MTMR7: variants seen among roughly 807,000 people sequenced by gnomAD.
The protein encoded by MTMR7 is phosphatidylinositol-3-phosphate phosphatase MTMR7.
Under a neutral mutation model 81.2 loss-of-function variants are expected in MTMR7, and 76 were observed. That is an observed-to-expected ratio of 0.94 (90% CI 0.78 to 1.13). The LOEUF is 1.13. Among genes scored for constraint, MTMR7 ranks in the 50% most tolerant of loss-of-function variants. The pLI is 0.00. For missense variants in MTMR7, 1,044 were observed against 820.0 expected, an observed-to-expected ratio of 1.27 and a Z score of -3.34; for synonymous variants, 372 against 289.8, an observed-to-expected ratio of 1.28 and a Z score of -2.88.
At chr8:17,309,200 C>T in intron 10 of MTMR7, 77 bp downstream of exon 10, 2 of 992,812 alleles carry the variant, frequency 2.0e-6, no homozygotes, top group South Asian at 1.4e-5. Context: ...GACGATTTTC[C>T]CCTAAATATT....
At chr8:17,393,674 A>T (rs1821167458) in intron 1 of MTMR7, among the ~76,000 whole-genome samples, 1 of 151,098 alleles carries the variant, frequency 6.6e-6, no homozygotes, top group Non-Finnish European at 1.5e-5. Context: ...CATCATGGGG[A>T]ACAACACACA....
intron 11 of MTMR7, 49 bp downstream of exon 11, chr8:17,305,703 AGTCAT>A (rs1817403817): frequency 6.8e-7 from 1 of 1,474,550 alleles, no homozygotes; most frequent in Non-Finnish European, 9.3e-7. Context: ...TAAAATTCTC[AGTCAT>A]CAAAATCTTT....
chr8:17,371,325 T>C (rs891762427), intron 2 of MTMR7, 126 bp from the exon 3 acceptor site: 35 of 1,039,664 alleles, frequency 3.4e-5, no homozygotes, highest in Admixed American at 5.2e-5. Context: ...AGCTCAACCC[T>C]TGCGTTCAGA....
At chr8:17,394,154 C>A (rs1303235104) in intron 1 of MTMR7, among the ~76,000 whole-genome samples, 1 of 152,286 alleles carries the variant, frequency 6.6e-6, no homozygotes, top group African/African-American at 2.4e-5. Flanking sequence ...ACAGATTAAG[C>A]ATGCATTAAC....
At chr8:17,375,656 G>A (rs980759665) in intron 1 of MTMR7, among the ~76,000 whole-genome samples, 1 of 152,112 alleles carries the variant, frequency 6.6e-6, no homozygotes, top group South Asian at 2.1e-4. Context: ...AGTAAGGCTA[G>A]TAGCCCAAGG....
intron 4 of MTMR7, 52 bp from the exon 5 acceptor site, chr8:17,349,133 G>T: frequency 6.3e-7 from 1 of 1,583,374 alleles, no homozygotes; most frequent in Non-Finnish European, 8.6e-7. Context: ...AATGCCCTGC[G>T]AACTGCCCCC....
chr8:17,357,993 T>C (rs113084745), intron 4 of MTMR7, among the ~76,000 whole-genome samples: 3 of 152,256 alleles, frequency 2.0e-5, no homozygotes, highest in African/African-American at 7.2e-5. Flanking sequence ...CAATAGGGTA[T>C]ATACTTCTGA....
At chr8:17,400,594 G>A (rs760892332) in intron 1 of MTMR7, among the ~76,000 whole-genome samples, 5 of 152,028 alleles carry the variant, frequency 3.3e-5, no homozygotes, top group Non-Finnish European at 7.4e-5. Flanking sequence ...TTTTCTTGTC[G>A]TTGCAATTTG....
At chr8:17,330,501 G>T (rs900236087) in intron 7 of MTMR7, among the ~76,000 whole-genome samples, 1 of 152,264 alleles carries the variant, frequency 6.6e-6, no homozygotes, top group Non-Finnish European at 1.5e-5. Flanking sequence ...AGCTGGTTTT[G>T]CTTGAAATGC....
chr8:17,365,197 T>A (rs1820188761), intron 3 of MTMR7, among the ~76,000 whole-genome samples: 1 of 152,366 alleles, frequency 6.6e-6, no homozygotes. Flanking sequence ...ATGTATCTGT[T>A]AGCCATCTAT....
In MTMR7 at chr8:17,299,713, A is replaced by C; in HGVS notation, c.*149T>G. On this transcript the variant is annotated 3_prime_UTR_variant, in exon 14 of 14. Transcript: ENST00000180173. The stretch of plus-strand genomic sequence containing the variant: ...CTCTTCAGTATCTAAGAAATCAAGA[A>C]CTGGGCACTTTTTTCCCTTTTCATA... The C allele has an allele frequency of 3.8e-6, 4 of 1,050,700 alleles. No individual in the cohort carries two copies. Among genetic ancestry groups the C allele is most frequent in the Non-Finnish European group, 4.1e-6 (3 of 730,952 alleles). 65.1% of individuals were successfully genotyped at this position (1,050,700 alleles called of 1,614,324 possible). A position where few individuals can be genotyped will look rare whatever the true frequency, so the allele number is the denominator to read the frequency against.
intron 1 of MTMR7, among the ~76,000 whole-genome samples, chr8:17,398,538 G>C (rs1240188658): frequency 2.6e-5 from 4 of 152,118 alleles, no homozygotes; most frequent in Non-Finnish European, 5.9e-5. Context: ...AAAAAACAAT[G>C]AGGCATGCCT....
chr8:17,391,891 G>A (rs1400789731), intron 1 of MTMR7, among the ~76,000 whole-genome samples: 1 of 152,184 alleles, frequency 6.6e-6, no homozygotes. Context: ...GGTTGTGGGA[G>A]GAAGGGTTGG....
chr8:17,307,691 G>C (rs1586147645), intron 10 of MTMR7, among the ~76,000 whole-genome samples: 1 of 152,160 alleles, frequency 6.6e-6, no homozygotes. Flanking sequence ...ATACACCATG[G>C]AATATTATGC....
At position 17,346,496 on chromosome 8, in the gene MTMR7, A is replaced by C. The variant is rs56339445; in HGVS notation, c.597+2457T>G. 2.9e-3 allele frequency among the ~76,000 whole-genome samples: 447 copies of C among 152,188 alleles called. 3 individuals are homozygous for C. The highest frequency in any genetic ancestry group is 4.6e-3 in the Non-Finnish European group (312 of 68,008). ...AGGCCTGGAGGTTCAGTAAAATAGC[A>C]CTTGGGGGAGCAGGCGTGGAGCCAT... On this transcript the variant is annotated intron_variant, in intron 5 of 13. Coordinates refer to ENST00000180173, the MANE Select transcript of MTMR7 (RefSeq NM_004686.5).
intron 3 of MTMR7, among the ~76,000 whole-genome samples, chr8:17,369,641 C>CTTT (rs71212689): frequency 4.6e-4 from 49 of 106,230 alleles, no homozygotes; most frequent in Non-Finnish European, 6.0e-4. Flanking sequence ...TTCTTTTTTT[C>CTTT]TTTTTTTTTT....
chr8:17,396,315 G>T (rs541059457), intron 1 of MTMR7, among the ~76,000 whole-genome samples: 2 of 152,156 alleles, frequency 1.3e-5, no homozygotes, highest in African/African-American at 4.8e-5. Flanking sequence ...TGCTGAAAGA[G>T]GCACTGACAA....
rs998799936 is a variant in MTMR7 at position 17,347,012 on chromosome 8, T to C, written c.597+1941A>G. On this transcript the variant is annotated intron_variant, in intron 5 of 13. Transcript: ENST00000180173. ...GAGCTCAAGACCAGCCTGGGCAACATGGCTTTCCTCGTCTCTACAAAAAAT... is the reference window on the plus strand; with the variant it reads ...GAGCTCAAGACCAGCCTGGGCAACACGGCTTTCCTCGTCTCTACAAAAAAT... Among the ~76,000 whole-genome samples, 5 of 150,192 alleles carry C rather than the reference T, an allele frequency of 3.3e-5. No individual in the cohort carries two copies. In the South Asian group the frequency reaches 6.3e-4, roughly 19 times the overall value.
At chr8:17,387,222 T>G (rs1180898497) in intron 1 of MTMR7, among the ~76,000 whole-genome samples, 2 of 152,262 alleles carry the variant, frequency 1.3e-5, no homozygotes, top group African/African-American at 4.8e-5. Context: ...CCAGGTATTC[T>G]GATGTACCAG....
Sources: gnomAD v4.1 joint callset for allele counts (sites outside exome capture counted in the v4.1 genomes callset) on GRCh38, gnomAD v4.1.1 for gene constraint, MANE v1.5 for transcripts, NCBI Gene and HGNC (gene_info 2026-07-23, HGNC 2026-07-21) for gene names.